The following ASTN2 variants were observed in gnomAD, a reference collection of about 807,000 sequenced individuals.
The protein encoded by ASTN2 is astrotactin-2.
Under a neutral mutation model 139.8 loss-of-function variants are expected in ASTN2, and 54 were observed. The ratio of observed to expected loss-of-function variants is 0.39; its 90% confidence interval spans 0.31 to 0.48. The LOEUF (loss-of-function observed/expected upper bound fraction) is 0.48. Ranked by LOEUF, ASTN2 falls within the 20% of genes least tolerant of loss-of-function variation. The pLI is 0.95. For synonymous variants in ASTN2, 756 were observed against 719.5 expected, an observed-to-expected ratio of 1.05 and a Z score of -0.81; for missense variants, 1,565 against 1,725.1, an observed-to-expected ratio of 0.91 and a Z score of 1.64.
At chr9:117,383,737 C>A (rs893947559) in intron 1 of ASTN2, among the ~76,000 whole-genome samples, 1 of 152,140 alleles carries the variant, frequency 6.6e-6, no homozygotes, top group African/African-American at 2.4e-5. Context: ...AACCCACATG[C>A]CTCATTGTCC....
chr9:116,666,482 T>G (rs1772554341), intron 16 of ASTN2, among the ~76,000 whole-genome samples: 1 of 152,200 alleles, frequency 6.6e-6, no homozygotes, highest in South Asian at 2.1e-4. Flanking sequence ...ATTACCATTA[T>G]TACAAATCTA....
chr9:116,948,645 A>G (rs1835464287), intron 10 of ASTN2, among the ~76,000 whole-genome samples: 1 of 150,120 alleles, frequency 6.7e-6, no homozygotes, highest in Non-Finnish European at 1.5e-5. Context: ...TGGGGTAAGG[A>G]GGGTTGCTGT....
At chr9:116,822,983 A>G (rs1831531966) in intron 11 of ASTN2, among the ~76,000 whole-genome samples, 2 of 152,164 alleles carry the variant, frequency 1.3e-5, no homozygotes, top group African/African-American at 4.8e-5. Flanking sequence ...GTGGGGGTGG[A>G]ACAGAGATTG....
chr9:117,242,334 C>A (rs1833240134), intron 2 of ASTN2, among the ~76,000 whole-genome samples: 1 of 152,102 alleles, frequency 6.6e-6, no homozygotes, highest in Admixed American at 6.6e-5. Flanking sequence ...TCCTTTTACA[C>A]TCTGCTGGTG....
intron 22 of ASTN2, 31 bp downstream of exon 22, chr9:116,440,578 T>C (rs1482448354): frequency 2.5e-6 from 4 of 1,605,382 alleles, no homozygotes; most frequent in South Asian, 1.1e-5. Flanking sequence ...AAAAAGAATA[T>C]GCCCCTCCAA....
chr9:117,392,946 C>A (rs1830579879), intron 1 of ASTN2, among the ~76,000 whole-genome samples: 1 of 152,190 alleles, frequency 6.6e-6, no homozygotes, highest in East Asian at 1.9e-4. Context: ...AAATCAAGGT[C>A]ATGGACAAAT....
chr9:116,619,602 C>A (rs1301883784), intron 18 of ASTN2, among the ~76,000 whole-genome samples: 2 of 151,856 alleles, frequency 1.3e-5, no homozygotes, highest in Non-Finnish European at 2.9e-5. Context: ...TGGATCACTG[C>A]AGCCTTGAAT....
intron 5 of ASTN2, among the ~76,000 whole-genome samples, chr9:117,048,946 T>C (rs73657628): frequency 2.4e-3 from 353 of 148,554 alleles, no homozygotes; most frequent in African/African-American, 8.1e-3. Flanking sequence ...CTGTGCGCTC[T>C]GATTCTTCAT....
At chr9:116,591,434 C>T (rs1854374857) in intron 19 of ASTN2, among the ~76,000 whole-genome samples, 1 of 152,212 alleles carries the variant, frequency 6.6e-6, no homozygotes, top group African/African-American at 2.4e-5. Context: ...GCTGGCTTGC[C>T]CTTGGCAGGC....
chr9:116,789,396 A>C (rs1209314147), intron 13 of ASTN2, among the ~76,000 whole-genome samples: 2 of 152,188 alleles, frequency 1.3e-5, no homozygotes, highest in Non-Finnish European at 2.9e-5. Flanking sequence ...CTGTCCACTT[A>C]ATGGGCTCCT....
At chr9:117,141,100 A>G (rs990748371) in intron 4 of ASTN2, among the ~76,000 whole-genome samples, 7 of 152,188 alleles carry the variant, frequency 4.6e-5, no homozygotes, top group Non-Finnish European at 8.8e-5. Context: ...TGTAAAATTT[A>G]TACTATCCAT....
At chr9:117,237,203 G>A (rs1410587421) in intron 2 of ASTN2, among the ~76,000 whole-genome samples, 2 of 152,058 alleles carry the variant, frequency 1.3e-5, no homozygotes, top group African/African-American at 2.4e-5. Context: ...GACAAAAAAC[G>A]CAATTACTTT....
At chr9:116,620,836 G>A (rs935562852) in intron 17 of ASTN2, among the ~76,000 whole-genome samples, 10 of 152,152 alleles carry the variant, frequency 6.6e-5, no homozygotes, top group Admixed American at 5.2e-4. Flanking sequence ...TTACGATAGC[G>A]ATAGAGCTAG....
intron 13 of ASTN2, among the ~76,000 whole-genome samples, chr9:116,779,495 TC>T (rs1830163331): frequency 2.0e-5 from 1 of 50,802 alleles, no homozygotes; most frequent in Non-Finnish European, 5.0e-5. Flanking sequence ...TTACCCAGTC[TC>T]AGATATTTTT....
chr9:116,517,169 C>G (rs542142133), intron 19 of ASTN2, among the ~76,000 whole-genome samples: 8 of 152,328 alleles, frequency 5.3e-5, no homozygotes, highest in Admixed American at 2.0e-4. Flanking sequence ...AGCTGACACA[C>G]TCTTGAAAGT....
At chr9:116,947,311 G>C (rs895671760) in intron 10 of ASTN2, among the ~76,000 whole-genome samples, 3 of 152,174 alleles carry the variant, frequency 2.0e-5, no homozygotes, top group Non-Finnish European at 4.4e-5. Flanking sequence ...TAATGAATGT[G>C]AACGTCTCAC....
At chr9:117,263,986 G>A (rs1165150238) in intron 2 of ASTN2, among the ~76,000 whole-genome samples, 1 of 151,918 alleles carries the variant, frequency 6.6e-6, no homozygotes, top group Non-Finnish European at 1.5e-5. Context: ...GGGCAACGCA[G>A]CGAAATCCCA....
intron 19 of ASTN2, among the ~76,000 whole-genome samples, chr9:116,516,658 A>C (rs948965658): frequency 1.3e-5 from 2 of 152,238 alleles, no homozygotes; most frequent in African/African-American, 4.8e-5. Flanking sequence ...AGTCTCCCTG[A>C]GATGACAAAA....
At chr9:117,406,612 G>T (rs762535903) in intron 1 of ASTN2, among the ~76,000 whole-genome samples, 1 of 151,866 alleles carries the variant, frequency 6.6e-6, no homozygotes, top group African/African-American at 2.4e-5. Flanking sequence ...GCTGTTCTCC[G>T]CCTGGAATGT....
Sources: allele counts gnomAD v4.1 joint callset (sites outside exome capture counted in the v4.1 genomes callset), GRCh38; gene constraint gnomAD v4.1.1; transcripts MANE v1.5; gene names NCBI Gene and HGNC (gene_info 2026-07-23, HGNC 2026-07-21).